MAPK10: variants seen among roughly 807,000 people sequenced by gnomAD.
MAPK10 encodes mitogen-activated protein kinase 10, also known as JNK3 alpha protein kinase.
Under a neutral mutation model 59.3 loss-of-function variants are expected in MAPK10, and 25 were observed. That is an observed-to-expected ratio of 0.42 (90% CI 0.31 to 0.59). The LOEUF is 0.59. Among genes scored for constraint, MAPK10 ranks in the 20% least tolerant of loss-of-function variants. MAPK10 has a pLI of 0.15. For missense variants in MAPK10, 351 were observed against 568.9 expected (o/e 0.62, Z 3.90); for synonymous variants, 190 against 200.5 (o/e 0.95, Z 0.44).
At chr4:86,509,478 C>CA (rs994408361) in intron 1 of MAPK10, among the ~76,000 whole-genome samples, 22 of 147,068 alleles carry the variant, frequency 1.5e-4, no homozygotes, top group African/African-American at 2.7e-4. Flanking sequence ...AAAAAACAAA[C>CA]AAAAAAAAAC....
At chr4:86,240,779 T>A (rs992725321) in intron 2 of MAPK10, among the ~76,000 whole-genome samples, 1 of 152,194 alleles carries the variant, frequency 6.6e-6, no homozygotes, top group Non-Finnish European at 1.5e-5. Context: ...CGATGGGTCT[T>A]GACTCCTCAT....
chr4:86,168,002 A>C (rs752599526), intron 3 of MAPK10, among the ~76,000 whole-genome samples: 2 of 152,230 alleles, frequency 1.3e-5, no homozygotes, highest in Non-Finnish European at 2.9e-5. Flanking sequence ...CAAAAAGCTT[A>C]TTAAGCTGAT....
intron 2 of MAPK10, among the ~76,000 whole-genome samples, chr4:86,342,292 G>A (rs7667999): frequency 0.72 from 109,706 of 152,104 alleles, 40,361 homozygotes; most frequent in South Asian, 0.9. Flanking sequence ...TTACAATAAG[G>A]AAGACTTAGA....
chr4:86,427,137 A>T (rs1747393769), intron 1 of MAPK10, among the ~76,000 whole-genome samples: 1 of 151,664 alleles, frequency 6.6e-6, no homozygotes, highest in Admixed American at 6.6e-5. Flanking sequence ...TGTGCCTGTA[A>T]TTCCAGCTAC....
chr4:86,585,691 T>G (rs1243047669), intron 1 of MAPK10, among the ~76,000 whole-genome samples: 1 of 152,210 alleles, frequency 6.6e-6, no homozygotes, highest in East Asian at 1.9e-4. Flanking sequence ...CCCCTCTTCA[T>G]GTTGTTGAAT....
chr4:86,263,316 A>AT (rs1398785624), intron 2 of MAPK10, among the ~76,000 whole-genome samples: 1 of 152,040 alleles, frequency 6.6e-6, no homozygotes, highest in East Asian at 1.9e-4. Context: ...TTCTTTAGCT[A>AT]TTTTTCAAAT....
intron 2 of MAPK10, among the ~76,000 whole-genome samples, chr4:86,201,205 C>G (rs1429192783): frequency 6.6e-6 from 1 of 151,852 alleles, no homozygotes; most frequent in Non-Finnish European, 1.5e-5. Context: ...TAACAATATT[C>G]CATTGTGTAT....
intron 9 of MAPK10, among the ~76,000 whole-genome samples, chr4:86,073,300 C>G (rs1439453802): frequency 6.6e-6 from 1 of 150,460 alleles, no homozygotes; most frequent in Non-Finnish European, 1.5e-5. Context: ...CTTTATTAGT[C>G]TTGCTAGCGG....
upstream of MAPK10, among the ~76,000 whole-genome samples, chr4:86,362,801 T>G (rs1737222756): frequency 2.0e-5 from 3 of 152,130 alleles, no homozygotes; most frequent in Admixed American, 2.0e-4. Flanking sequence ...CATCACATAT[T>G]GACAAGGACA....
At chr4:86,416,012 A>T (rs1490751354) in intron 1 of MAPK10, among the ~76,000 whole-genome samples, 1 of 152,186 alleles carries the variant, frequency 6.6e-6, no homozygotes, top group Admixed American at 6.5e-5. Context: ...TAATAAGAGT[A>T]CCACTGTTAT....
chr4:86,443,359 C>T (rs1205684717), intron 1 of MAPK10, among the ~76,000 whole-genome samples: 1 of 151,852 alleles, frequency 6.6e-6, no homozygotes, highest in African/African-American at 2.4e-5. Flanking sequence ...TTTTACCAGC[C>T]CCTAACTTAC....
At chr4:86,199,884 T>C (rs746174833) in intron 2 of MAPK10, among the ~76,000 whole-genome samples, 7 of 151,974 alleles carry the variant, frequency 4.6e-5, no homozygotes, top group Non-Finnish European at 1.0e-4. Context: ...TAGGAAATAC[T>C]CTTGAGGAGA....
At chr4:86,395,670 G>A (rs1001635587) in intron 1 of MAPK10, among the ~76,000 whole-genome samples, 2 of 152,164 alleles carry the variant, frequency 1.3e-5, no homozygotes, top group Non-Finnish European at 2.9e-5. Flanking sequence ...GCTTAAAGGA[G>A]AGATATTCAT....
chr4:86,330,009 T>C (rs1008568338), intron 2 of MAPK10, among the ~76,000 whole-genome samples: 5 of 152,098 alleles, frequency 3.3e-5, no homozygotes, highest in African/African-American at 7.2e-5. Flanking sequence ...AAAGTTCAGT[T>C]TGGTGGGCCG....
chr4:86,459,863 G>A (rs1026886231), intron 1 of MAPK10, among the ~76,000 whole-genome samples: 8 of 151,766 alleles, frequency 5.3e-5, no homozygotes, highest in East Asian at 1.9e-4. Flanking sequence ...AATCATCACC[G>A]AAGAACTTAC....
intron 1 of MAPK10, among the ~76,000 whole-genome samples, chr4:86,566,327 T>C (rs1248471672): frequency 6.6e-6 from 1 of 152,212 alleles, no homozygotes; most frequent in East Asian, 1.9e-4. Flanking sequence ...AAACAAAGAC[T>C]AAGATGGAAT....
chr4:86,275,303 G>A (rs1243958718), intron 2 of MAPK10, among the ~76,000 whole-genome samples: 1 of 152,004 alleles, frequency 6.6e-6, no homozygotes, highest in Admixed American at 6.6e-5. Context: ...GTCACTAGAT[G>A]TTTCCTTGCT....
At chr4:86,430,162 T>G (rs1408895891) in intron 1 of MAPK10, among the ~76,000 whole-genome samples, 1 of 152,202 alleles carries the variant, frequency 6.6e-6, no homozygotes, top group African/African-American at 2.4e-5. Flanking sequence ...GATGCCCTAC[T>G]ACGTACCCAT....
At chr4:86,245,052 T>TGCTCA (rs1258434474) in intron 2 of MAPK10, among the ~76,000 whole-genome samples, 1 of 152,236 alleles carries the variant, frequency 6.6e-6, no homozygotes, top group Non-Finnish European at 1.5e-5. Flanking sequence ...CCAGGAAATC[T>TGCTCA]GCTCAACATT....
Sources: gnomAD v4.1 joint callset for allele counts (sites outside exome capture counted in the v4.1 genomes callset) on GRCh38, gnomAD v4.1.1 for gene constraint, MANE v1.5 for transcripts, NCBI Gene and HGNC (gene_info 2026-07-23, HGNC 2026-07-21) for gene names.